The following STAG1 variants were observed in gnomAD, a reference collection of about 807,000 sequenced individuals.
STAG1 encodes STAG1 cohesin complex component.
STAG1 carries 26 observed loss-of-function variants against 170.9 expected under a neutral mutation model. The ratio of observed to expected loss-of-function variants is 0.15; its 90% CI spans 0.11 to 0.21. The LOEUF (loss-of-function observed/expected upper bound fraction) is 0.21, where lower values mean the gene tolerates loss of function less well. Ranked by LOEUF, STAG1 falls within the 10% of genes least tolerant of loss-of-function variation. The probability of loss-of-function intolerance (pLI) is 1.00; values close to 1 mark genes in which losing one functional copy is unlikely to be tolerated. For synonymous variants in STAG1, 514 were observed against 497.7 expected (o/e 1.03, Z -0.44); for missense variants, 964 against 1,509.5 (o/e 0.64, Z 5.99).
intron 4 of STAG1, among the ~76,000 whole-genome samples, chr3:136,569,140 T>C (rs1188176017): frequency 2.0e-5 from 3 of 152,094 alleles, no homozygotes; most frequent in African/African-American, 7.2e-5. Flanking sequence ...TAAGCAAGTA[T>C]AGATAATATT....
intron 22 of STAG1, among the ~76,000 whole-genome samples, chr3:136,380,876 C>T (rs760790576): frequency 6.6e-6 from 1 of 151,184 alleles, no homozygotes; most frequent in Non-Finnish European, 1.5e-5. Context: ...AAAAATGAGC[C>T]GGGCGTGGTG....
chr3:136,576,700 G>C (rs530380891), intron 4 of STAG1, among the ~76,000 whole-genome samples: 1 of 152,258 alleles, frequency 6.6e-6, no homozygotes, highest in Non-Finnish European at 1.5e-5. Context: ...TTTTAAATCT[G>C]CCTAAGCTCC....
chr3:136,551,204 AGAGT>A (rs1395757948), intron 5 of STAG1, among the ~76,000 whole-genome samples: 852 of 50,230 alleles, frequency 0.017, 36 homozygotes, highest in African/African-American at 0.039. Flanking sequence ...AGGTTGAGAG[AGAGT>A]GAGAGAGAGA....
At chr3:136,622,312 C>T (rs1939900709) in intron 3 of STAG1, among the ~76,000 whole-genome samples, 1 of 151,668 alleles carries the variant, frequency 6.6e-6, no homozygotes, top group South Asian at 2.1e-4. Context: ...GAGTGAGACT[C>T]GATCGGTGGG....
chr3:136,715,568 C>A (rs1230386368), intron 1 of STAG1, among the ~76,000 whole-genome samples: 1 of 151,496 alleles, frequency 6.6e-6, no homozygotes, highest in Non-Finnish European at 1.5e-5. Flanking sequence ...TGCAGTGAGC[C>A]GAGATCACAC....
At chr3:136,413,597 T>G (rs191676047) in intron 21 of STAG1, among the ~76,000 whole-genome samples, 1 of 152,124 alleles carries the variant, frequency 6.6e-6, no homozygotes, top group East Asian at 1.9e-4. Context: ...TAGTTGAAAT[T>G]ACAGACATGT....
At chr3:136,373,061 C>T (rs1937433551) in intron 23 of STAG1, among the ~76,000 whole-genome samples, 1 of 152,162 alleles carries the variant, frequency 6.6e-6, no homozygotes, top group Non-Finnish European at 1.5e-5. Flanking sequence ...TCAACTTCTT[C>T]TTGGTTTAGT....
rs543354453 is a variant in STAG1 at position 136,438,730 on chromosome 3, A to G, written c.1546+4557T>C. The stretch of plus-strand genomic sequence containing the variant: ...TGGCAGTGAGCTCATCTAGTATAAC[A>G]CTATACGCTCAGCACTTAGCATAAT... On this transcript the variant is annotated intron_variant, in intron 15 of 33. Coordinates refer to ENST00000383202, the MANE Select transcript of STAG1 (RefSeq NM_005862.3). Among the ~76,000 whole-genome samples the G allele has an allele frequency of 3.9e-5, 6 of 152,252 alleles. 1 individual carries two copies. The South Asian group carries it at 1.0e-3, about 26-fold the overall frequency.
At chr3:136,604,839 G>A (rs953779570) in intron 3 of STAG1, among the ~76,000 whole-genome samples, 9 of 152,036 alleles carry the variant, frequency 5.9e-5, no homozygotes, top group South Asian at 4.2e-4. Context: ...CAATAGAGAC[G>A]GAGTTTCACC....
intron 13 of STAG1, among the ~76,000 whole-genome samples, chr3:136,458,525 AATAG>A (rs2089183500): frequency 6.6e-6 from 1 of 152,210 alleles, no homozygotes; most frequent in South Asian, 2.1e-4. Flanking sequence ...CAATGTCTAT[AATAG>A]ATACACCAGA....
chr3:136,503,803 T>C (rs1933614538), intron 7 of STAG1, among the ~76,000 whole-genome samples: 1 of 152,138 alleles, frequency 6.6e-6, no homozygotes, highest in East Asian at 1.9e-4. Context: ...TGGCGCAATC[T>C]TGGCTTACTG....
intron 21 of STAG1, among the ~76,000 whole-genome samples, chr3:136,409,943 C>T (rs1056148291): frequency 5.3e-5 from 8 of 151,038 alleles, no homozygotes; most frequent in Non-Finnish European, 1.2e-4. Context: ...AAATTAGCTG[C>T]GGTGTGGTGG....
intron 1 of STAG1, among the ~76,000 whole-genome samples, chr3:136,632,595 A>G (rs1940374340): frequency 6.6e-6 from 1 of 152,184 alleles, no homozygotes; most frequent in Non-Finnish European, 1.5e-5. Context: ...ACAGCATACA[A>G]GACAAGCAGC....
chr3:136,696,368 TGA>T, intron 1 of STAG1, among the ~76,000 whole-genome samples: 1 of 152,304 alleles, frequency 6.6e-6, no homozygotes, highest in Admixed American at 6.5e-5. Context: ...TAGCTAGGTA[TGA>T]CAATTAACCT....
chr3:136,386,047 TAC>T (rs2086864594), intron 22 of STAG1, among the ~76,000 whole-genome samples: 1 of 152,056 alleles, frequency 6.6e-6, no homozygotes, highest in Non-Finnish European at 1.5e-5. Context: ...GTTTTTAAAA[TAC>T]AGTCTTGGCC....
intron 3 of STAG1, among the ~76,000 whole-genome samples, chr3:136,621,813 A>T (rs1939862537): frequency 6.6e-6 from 1 of 152,098 alleles, no homozygotes; most frequent in African/African-American, 2.4e-5. Flanking sequence ...TATAGACAAT[A>T]ACTGGTTAAG....
rs200456600 is a variant in STAG1, at chr3:136,461,606, GAGAA to G, written c.1313+3271_1313+3274del. Among the ~76,000 whole-genome samples the G allele has an allele frequency of 3.3e-3, 477 of 143,796 alleles. 7 individuals are homozygous for G. In the East Asian group the frequency reaches 0.046, roughly 14 times the overall value. 94.3% of individuals were successfully genotyped at this position (143,796 alleles called of 152,430 possible). On this transcript the variant is annotated intron_variant, in intron 13 of 33. Transcript: ENST00000383202. The stretch of plus-strand genomic sequence containing the variant: ...CTCCGTCTTGAAAAAAAAAAAAAAA[GAGAA>G]AGAAAACACTGGGGATTCTTAAGAA...
intron 14 of STAG1, among the ~76,000 whole-genome samples, chr3:136,451,397 G>A (rs1044143650): frequency 6.6e-6 from 1 of 152,056 alleles, no homozygotes; most frequent in Non-Finnish European, 1.5e-5. Context: ...GTTATTAACA[G>A]TCTGACAATT....
chr3:136,731,767 C>G (rs1399300414), intron 1 of STAG1, among the ~76,000 whole-genome samples: 1 of 152,152 alleles, frequency 6.6e-6, no homozygotes, highest in Admixed American at 6.5e-5. Flanking sequence ...CACTTGCTAA[C>G]CTATCTCTTT....
Sources: gnomAD v4.1 joint callset for allele counts (sites outside exome capture counted in the v4.1 genomes callset) on GRCh38, gnomAD v4.1.1 for gene constraint, MANE v1.5 for transcripts, NCBI Gene and HGNC (gene_info 2026-07-23, HGNC 2026-07-21) for gene names.